The following SRFBP1 variants were observed in gnomAD, a reference collection of about 807,000 sequenced individuals.
SRFBP1 encodes serum response factor-binding protein 1.
A neutral mutation model predicts 45.5 loss-of-function variants in SRFBP1; 47 were observed. The ratio of observed to expected loss-of-function variants is 1.03; its 90% CI spans 0.82 to 1.32. The LOEUF is 1.32. Ranked by LOEUF, SRFBP1 falls within the 40% of genes most tolerant of loss-of-function variation. The pLI, the probability that SRFBP1 is intolerant of heterozygous loss-of-function variation, is 0.00. For missense variants in SRFBP1, 621 were observed against 484.6 expected, an observed-to-expected ratio of 1.28 and a Z score of -2.64; for synonymous variants, 203 against 166.3, an observed-to-expected ratio of 1.22 and a Z score of -1.70.
chr5:122,049,955 G>T (rs1034739117), intron 2 of SRFBP1, among the ~76,000 whole-genome samples: 4 of 151,932 alleles, frequency 2.6e-5, no homozygotes, highest in African/African-American at 9.7e-5. Flanking sequence ...TAACATGAAG[G>T]AGTGTTGAAT....
chr5:122,077,526 G>A (rs767855588), downstream of SRFBP1: 17 of 1,613,788 alleles, frequency 1.1e-5, no homozygotes, highest in African/African-American at 2.0e-4. This position sits in a 1 kb window ranked among gnomAD's most constrained non-coding sequence, Gnocchi z 4.9. Context: ...AGGTTACTGA[G>A]CGCAGGAACT....
chr5:121,988,551 C>T (rs1456323134), intron 3 of SRFBP1, among the ~76,000 whole-genome samples: 1 of 152,206 alleles, frequency 6.6e-6, no homozygotes, highest in African/African-American at 2.4e-5. Flanking sequence ...ACAACATGTT[C>T]AAAGTGTTGT....
chr5:121,962,449 C>T lies in SRFBP1; in HGVS notation c.36+381C>T, dbSNP rs140194463. ...ATAAACTTTCAGTACACATTACCTG[C>T]TCTTTATTGCCTGTCGAAAATGAAA... On this transcript the variant is annotated intron_variant, in intron 1 of 7. Coordinates refer to ENST00000339397, the MANE Select transcript of SRFBP1 (RefSeq NM_152546.3). Among the ~76,000 whole-genome samples, 413 of 152,320 alleles carry T rather than the reference C, an allele frequency of 2.7e-3. 4 individuals carry two copies. Among genetic ancestry groups the T allele is most frequent in the Middle Eastern group, 0.01 (3 of 294 alleles).
intron 1 of SRFBP1, among the ~76,000 whole-genome samples, chr5:121,963,951 A>T (rs1035128594): frequency 6.6e-6 from 1 of 152,202 alleles, no homozygotes; most frequent in African/African-American, 2.4e-5. Flanking sequence ...TAGAAAAAAA[A>T]AATACAGCAG....
downstream of SRFBP1, among the ~76,000 whole-genome samples, chr5:122,030,632 G>T (rs1753574829): frequency 6.6e-6 from 1 of 151,494 alleles, no homozygotes; most frequent in African/African-American, 2.4e-5. Context: ...ACTGCCTTAG[G>T]CAGTGAGTAA....
chr5:122,017,143 C>T (rs112178885), intron 4 of SRFBP1, among the ~76,000 whole-genome samples: 116 of 152,232 alleles, frequency 7.6e-4, no homozygotes, highest in African/African-American at 2.6e-3. Context: ...ACAGGAGAAT[C>T]GCTTGAACCC....
In SRFBP1 at chr5:121,975,563, G is replaced by T. The variant is rs75646734; in HGVS notation, c.198+176G>T. ...TTAGAAAATTGTAACATTTAAGCTT[G>T]CATTTTTCTGTTTTTGACTGAATTT... On this transcript the variant is annotated intron_variant, in intron 3 of 7. Transcript: ENST00000339397. Among the ~76,000 whole-genome samples, 759 of 152,076 alleles carry T rather than the reference G, an allele frequency of 5.0e-3. 10 individuals carry two copies. The highest frequency in any genetic ancestry group is 0.017 in the African/African-American group (716 of 41,532).
At chr5:121,977,941 T>A (rs1752337256) in intron 3 of SRFBP1, among the ~76,000 whole-genome samples, 1 of 152,192 alleles carries the variant, frequency 6.6e-6, no homozygotes, top group Non-Finnish European at 1.5e-5. Flanking sequence ...TCCATACTTT[T>A]AACTTTGATA....
At chr5:121,975,487 A>T (rs552738095) in intron 3 of SRFBP1, 100 bp downstream of exon 3, 1 of 1,258,398 alleles carries the variant, frequency 7.9e-7, no homozygotes, top group South Asian at 1.2e-5. Context: ...TATTCCCGAG[A>T]GTTGCGTAAG....
intron 7 of SRFBP1, 40 bp downstream of exon 7, chr5:122,022,447 G>T (rs756300346): frequency 5.7e-6 from 9 of 1,566,642 alleles, no homozygotes; most frequent in African/African-American, 1.4e-5. Context: ...ATGCAATTAA[G>T]CTATGTTTTA....
At chr5:122,023,446 A>G (rs1445028183) in intron 7 of SRFBP1, among the ~76,000 whole-genome samples, 1 of 152,202 alleles carries the variant, frequency 6.6e-6, no homozygotes, top group Admixed American at 6.5e-5. Context: ...AGAAATTCAT[A>G]CCATGATATA....
At chr5:122,076,047 C>T (rs1580566058), downstream of SRFBP1, 1 of 152,218 alleles carries the variant, frequency 6.6e-6, no homozygotes, top group Non-Finnish European at 1.5e-5. Context: ...TTTGTAACTT[C>T]ACTATCCCAA....
At chr5:122,068,260 T>C (rs1754354052) in intron 2 of SRFBP1, among the ~76,000 whole-genome samples, 1 of 147,844 alleles carries the variant, frequency 6.8e-6, no homozygotes. Flanking sequence ...GCTGGAGCAA[T>C]ACAACAATTT....
chr5:122,014,789 T>C (rs563931684), intron 4 of SRFBP1, among the ~76,000 whole-genome samples: 1 of 152,298 alleles, frequency 6.6e-6, no homozygotes, highest in East Asian at 1.9e-4. Context: ...ACACTAGACA[T>C]GCAAGTATTA....
chr5:122,030,673 A>G (rs1213369861), downstream of SRFBP1, among the ~76,000 whole-genome samples: 1 of 152,132 alleles, frequency 6.6e-6, no homozygotes, highest in African/African-American at 2.4e-5. Flanking sequence ...TTAACCAAAA[A>G]CTAAGTAAGT....
chr5:121,968,402 A>G (rs1430546718), intron 1 of SRFBP1, among the ~76,000 whole-genome samples: 1 of 152,062 alleles, frequency 6.6e-6, no homozygotes, highest in Non-Finnish European at 1.5e-5. Context: ...TGAGTTATTT[A>G]TATTTGGAAT....
intron 2 of SRFBP1, among the ~76,000 whole-genome samples, chr5:122,067,857 C>T (rs923766728): frequency 1.3e-5 from 2 of 151,964 alleles, no homozygotes; most frequent in Admixed American, 1.3e-4. Flanking sequence ...CTTCAAGGCT[C>T]AATTCAAATG....
intron 2 of SRFBP1, chr5:122,075,269 TA>T: frequency 2.6e-6 from 2 of 769,974 alleles, no homozygotes; most frequent in Non-Finnish European, 4.0e-6. Context: ...TGAAATTACA[TA>T]GAGAAAAATT....
intron 7 of SRFBP1, 24 bp from the exon 8 acceptor site, chr5:122,026,918 A>G: frequency 6.5e-7 from 1 of 1,548,038 alleles, no homozygotes; most frequent in Admixed American, 1.8e-5. Context: ...TATAGTTATT[A>G]TTATTTTTGC....
Sources: allele counts gnomAD v4.1 joint callset (sites outside exome capture counted in the v4.1 genomes callset), GRCh38; gene constraint gnomAD v4.1.1; non-coding constraint Gnocchi (gnomAD v3.1); transcripts MANE v1.5; gene names NCBI Gene and HGNC (gene_info 2026-07-23, HGNC 2026-07-21).